The following USP30 variants were observed in gnomAD, a reference collection of about 807,000 sequenced individuals.
USP30 encodes ubiquitin specific peptidase 30.
A neutral mutation model predicts 68.2 loss-of-function variants in USP30; 41 were observed. The observed-to-expected ratio is 0.60, with a 90% CI of 0.47 to 0.78. The LOEUF (loss-of-function observed/expected upper bound fraction) is 0.78, where lower values mean the gene tolerates loss of function less well. Among genes scored for constraint, USP30 ranks in the 30% least tolerant of loss-of-function variants. USP30 has a pLI of 0.00. For synonymous variants in USP30, 229 were observed against 253.7 expected (o/e 0.90, Z 0.93); for missense variants, 522 against 649.4 (o/e 0.80, Z 2.13).
At chr12:109,064,776 T>C (rs1053623477) in intron 3 of USP30, among the ~76,000 whole-genome samples, 1 of 152,106 alleles carries the variant, frequency 6.6e-6, no homozygotes, top group African/African-American at 2.4e-5. Context: ...GATTGTACAA[T>C]ATGAAAATGT....
At chr12:109,055,396 ATATATTTTTTT>A (rs1400272810) in intron 1 of USP30, among the ~76,000 whole-genome samples, 482 of 40,632 alleles carry the variant, frequency 0.012, 16 homozygotes, top group East Asian at 0.023. Context: ...ATATATATAT[ATATATTTTTTT>A]TTTTTTTTTT....
intron 9 of USP30, chr12:109,082,449 G>T: frequency 1.7e-6 from 1 of 579,858 alleles, no homozygotes; most frequent in African/African-American, 1.9e-5. Context: ...ATCAGTGTTC[G>T]CTCTTCACAT....
intron 3 of USP30, among the ~76,000 whole-genome samples, chr12:109,044,556 G>C (rs1276417273): frequency 1.3e-5 from 2 of 151,950 alleles, no homozygotes; most frequent in Non-Finnish European, 1.5e-5. Flanking sequence ...AGGATCATCT[G>C]AGCTCTGGAG....
rs769148870 is a variant in USP30 at position 109,082,819 on chromosome 12, T to A, written c.949-24T>A. ...TCCTGCCCCTGAAACAACTCGGTTC[T>A]CCCGATTTCTCTTCCACCCGCAGCT... On this transcript the variant is annotated intron_variant, in intron 10 of 12. Transcript: ENST00000257548. 1.9e-6 allele frequency: 3 copies of A among 1,610,722 alleles called. No individual in the cohort carries two copies. The South Asian group carries it at 3.3e-5, about 18-fold the overall frequency.
At chr12:109,030,228 A>C (rs973937042) in intron 3 of USP30, among the ~76,000 whole-genome samples, 8 of 152,154 alleles carry the variant, frequency 5.3e-5, no homozygotes, top group Non-Finnish European at 8.8e-5. Context: ...TACCTGTGTG[A>C]TGGTAGACAG....
intron 7 of USP30, among the ~76,000 whole-genome samples, chr12:109,078,598 C>CAA (rs1184044024): frequency 1.9e-4 from 22 of 115,930 alleles, no homozygotes; most frequent in Non-Finnish European, 3.0e-4. Flanking sequence ...GACTCCATCT[C>CAA]AAAAAAAAAA....
chr12:109,023,898 G>T lies in USP30; in HGVS notation c.-498+731G>T, dbSNP rs530900485. ...TCCACCTGCCTCGGCCTCCCAAAGT[G>T]CTGGGATTACAGGTGTGATCACCAC... On this transcript the variant is annotated intron_variant, in intron 1 of 15. Coordinates refer to the USP30 transcript ENST00000392784. Among the ~76,000 whole-genome samples, 11 of 152,064 alleles carry T rather than the reference G, an allele frequency of 7.2e-5. No homozygotes were observed. The South Asian group carries it at 2.1e-3, about 29-fold the overall frequency.
intron 4 of USP30, 46 bp downstream of exon 4, chr12:109,067,673 C>G (rs751680975): frequency 1.3e-5 from 21 of 1,563,654 alleles, no homozygotes; most frequent in Non-Finnish European, 1.6e-5. Flanking sequence ...ATCCTTTCCC[C>G]TAGTGACTTG....
At chr12:109,067,727 G>A in intron 4 of USP30, 100 bp downstream of exon 4, 3 of 969,718 alleles carry the variant, frequency 3.1e-6, no homozygotes, top group Non-Finnish European at 4.7e-6. Flanking sequence ...ACATTTCTGT[G>A]ACATTTTAGA....
At chr12:109,052,799 G>A (rs964309795) in intron 1 of USP30, 38 bp downstream of exon 1, 30 of 1,421,820 alleles carry the variant, frequency 2.1e-5, no homozygotes, top group African/African-American at 3.0e-5. Context: ...AAGAGGCCGG[G>A]ACCAGGGTCC....
intron 3 of USP30, among the ~76,000 whole-genome samples, chr12:109,031,209 G>A (rs79303986): frequency 0.029 from 4,383 of 152,204 alleles, 218 homozygotes; most frequent in African/African-American, 0.1. Flanking sequence ...ACACGCATTG[G>A]AAATGGCATA....
At chr12:109,061,370 T>G (rs1460570471) in intron 3 of USP30, among the ~76,000 whole-genome samples, 1 of 151,292 alleles carries the variant, frequency 6.6e-6, no homozygotes, top group Non-Finnish European at 1.5e-5. Context: ...TGCTTCTGCT[T>G]TCCAATGTCT....
chr12:109,050,180 G>C (rs2040646636), upstream of USP30, among the ~76,000 whole-genome samples: 1 of 151,944 alleles, frequency 6.6e-6, no homozygotes, highest in African/African-American at 2.4e-5. Flanking sequence ...TGTAGTCCCA[G>C]CTACTCGGGA....
chr12:109,066,590 C>T (rs1319653335), intron 3 of USP30, among the ~76,000 whole-genome samples: 2 of 152,124 alleles, frequency 1.3e-5, no homozygotes, highest in African/African-American at 4.8e-5. Context: ...GAGGCTGAGG[C>T]AGGAGAATCG....
At chr12:109,040,028 C>T (rs964017772) in intron 3 of USP30, among the ~76,000 whole-genome samples, 2 of 152,062 alleles carry the variant, frequency 1.3e-5, no homozygotes, top group Non-Finnish European at 2.9e-5. Flanking sequence ...TTTTAATTAT[C>T]ATATGTAGAT....
intron 7 of USP30, among the ~76,000 whole-genome samples, chr12:109,077,826 G>GC (rs1045513755): frequency 5.0e-5 from 7 of 139,262 alleles, no homozygotes; most frequent in African/African-American, 2.4e-4. Context: ...TGTTTGTGTT[G>GC]GGGGGGGAGG....
chr12:109,075,386 C>T (rs2041567380), intron 7 of USP30, among the ~76,000 whole-genome samples: 2 of 152,112 alleles, frequency 1.3e-5, no homozygotes, highest in African/African-American at 2.4e-5. Flanking sequence ...TCTCGCTCTG[C>T]TGCACCCAAA....
Position 109,070,677 on chromosome 12 carries a change from G to A in USP30, c.481-935G>A, listed in dbSNP as rs11068203. ...AGCAGAGGGCCTGTGTTGTGACCCC[G>A]TTACTCCCGGAAGAGTGAGGGGTGG... On this transcript the variant is annotated intron_variant, in intron 4 of 12. Coordinates refer to ENST00000257548, the MANE Select transcript of USP30 (RefSeq NM_032663.5). The surrounding 1 kb of genome is among the most constrained non-coding windows in gnomAD (Gnocchi z 4.0). Among the ~76,000 whole-genome samples the A allele has an allele frequency of 4.9e-3, 745 of 152,284 alleles. 3 individuals carry two copies. The highest frequency in any genetic ancestry group is 0.017 in the African/African-American group (712 of 41,548).
intron 2 of USP30, among the ~76,000 whole-genome samples, chr12:109,025,936 C>T (rs1178618057): frequency 1.3e-5 from 2 of 152,174 alleles, no homozygotes; most frequent in Non-Finnish European, 2.9e-5. Context: ...GATCCTCCCA[C>T]CTTGGCCAAA....
Sources: allele counts gnomAD v4.1 joint callset (sites outside exome capture counted in the v4.1 genomes callset), GRCh38; gene constraint gnomAD v4.1.1; non-coding constraint Gnocchi (gnomAD v3.1); transcripts MANE v1.5; gene names NCBI Gene and HGNC (gene_info 2026-07-23, HGNC 2026-07-21).